Variants in CREB3L2 observed in about 807,000 individuals in gnomAD.
The protein encoded by CREB3L2 is cAMP responsive element binding protein 3 like 2.
In CREB3L2, 23 loss-of-function variants were observed where a neutral mutation model predicts 57.2. The ratio of observed to expected loss-of-function variants is 0.40; its 90% CI spans 0.29 to 0.57. CREB3L2 has a LOEUF of 0.57. Among genes scored for constraint, CREB3L2 ranks in the 20% least tolerant of loss-of-function variants. CREB3L2 has a pLI of 0.42. For missense variants in CREB3L2, 628 were observed against 634.7 expected, an observed-to-expected ratio of 0.99 and a Z score of 0.11; for synonymous variants, 268 against 265.1, an observed-to-expected ratio of 1.01 and a Z score of -0.11.
chr7:137,971,448 T>A lies in CREB3L2; in HGVS notation c.102+30156A>T, dbSNP rs1018996920. On this transcript the variant is annotated intron_variant, in intron 1 of 11. Transcript: ENST00000330387. ...CTGGGCATCAGAGCGAGACTCCGTC[T>A]CAAAAAAAAAAAAAAAATTTTGGAT... 2.5e-3 allele frequency among the ~76,000 whole-genome samples: 231 copies of A among 93,418 alleles called. 2 individuals are homozygous for A. The highest frequency in any genetic ancestry group is 4.1e-3 in the East Asian group (9 of 2,182). The allele number at this position is 93,418 out of a possible 152,430, so 61.3% of individuals were successfully genotyped here.
At position 137,922,415 on chromosome 7, in the gene CREB3L2, T is replaced by TACAC. The variant is rs1491237233; in HGVS notation, c.319+5734_319+5735insGTGT. ...ATATATATATATATATATATATATA[T>TACAC]GTATATATATATATATATATACGTA... On this transcript the variant is annotated intron_variant, in intron 2 of 11. Coordinates refer to ENST00000330387, the MANE Select transcript of CREB3L2 (RefSeq NM_194071.4). Among the ~76,000 whole-genome samples, 42 of 23,152 alleles carry TACAC rather than the reference T, an allele frequency of 1.8e-3. 1 individual carries two copies. Among genetic ancestry groups the TACAC allele is most frequent in the African/African-American group, 5.1e-3 (38 of 7,380 alleles). 15.2% of individuals were successfully genotyped at this position (23,152 alleles called of 152,430 possible). A position where few individuals can be genotyped will look rare whatever the true frequency, so the allele number is the denominator to read the frequency against.
intron 1 of CREB3L2, among the ~76,000 whole-genome samples, chr7:137,963,342 T>C (rs968839475): frequency 2.0e-5 from 3 of 152,190 alleles, no homozygotes; most frequent in Admixed American, 6.5e-5. Flanking sequence ...GCTCCACCAG[T>C]TTTCCAGGTA....
At chr7:137,927,278 G>GAAAGGAGGA (rs35701640) in intron 2 of CREB3L2, among the ~76,000 whole-genome samples, 1,560 of 136,580 alleles carry the variant, frequency 0.011, 35 homozygotes, top group African/African-American at 0.047. Context: ...GAAAGGAAAG[G>GAAAGGAGGA]AGGAAGGAAG....
chr7:137,952,711 G>GT (rs1401626631), intron 1 of CREB3L2, among the ~76,000 whole-genome samples: 9 of 152,118 alleles, frequency 5.9e-5, no homozygotes, highest in Non-Finnish European at 1.3e-4. Flanking sequence ...TAACTCTTAA[G>GT]TTTTTCCTGA....
chr7:137,947,238 C>T (rs273999), intron 1 of CREB3L2, among the ~76,000 whole-genome samples: 101,391 of 150,826 alleles, frequency 0.67, 34,477 homozygotes, highest in East Asian at 0.83. Flanking sequence ...TCCAGAATCA[C>T]GAGACATACA....
At chr7:137,909,228 G>A (rs1351856450) in intron 4 of CREB3L2, among the ~76,000 whole-genome samples, 1 of 152,216 alleles carries the variant, frequency 6.6e-6, no homozygotes, top group Non-Finnish European at 1.5e-5. Context: ...AGATACGGGA[G>A]TGAGCACAGG....
chr7:137,875,669 AG>A lies in CREB3L2; in HGVS notation c.*4806del. ...ACTTGAAAGCTTACAGTGTGCTCAC[AG>A]GAAGGAATCGGCTCAGCTAGTCCAG... is the stretch of plus-strand genomic sequence containing the variant. On this transcript the variant is annotated 3_prime_UTR_variant, in exon 12 of 12. Transcript: ENST00000330387. 4.5e-6 allele frequency: 1 copy of A among 224,204 alleles called. No homozygotes were observed. The highest frequency in any genetic ancestry group is 8.9e-6 in the Non-Finnish European group (1 of 112,512). The allele number at this position is 224,204 out of a possible 1,614,324, so 13.9% of individuals were successfully genotyped here. A position where few individuals can be genotyped will look rare whatever the true frequency, so the allele number is the denominator to read the frequency against.
At chr7:137,978,254 C>G (rs1248089998) in intron 1 of CREB3L2, among the ~76,000 whole-genome samples, 1 of 152,182 alleles carries the variant, frequency 6.6e-6, no homozygotes. Flanking sequence ...CTCTATATAT[C>G]TCTCTAGAGA....
At chr7:137,907,780 GAC>G (rs1200912805) in intron 5 of CREB3L2, among the ~76,000 whole-genome samples, 1 of 152,190 alleles carries the variant, frequency 6.6e-6, no homozygotes, top group Non-Finnish European at 1.5e-5. Flanking sequence ...AGAGTCATAT[GAC>G]ACACAGAAAA....
At chr7:137,888,159 C>T (rs1018288326) in intron 8 of CREB3L2, among the ~76,000 whole-genome samples, 1 of 152,156 alleles carries the variant, frequency 6.6e-6, no homozygotes, top group Non-Finnish European at 1.5e-5. Flanking sequence ...GACAGCATCT[C>T]TCACTTTGTT....
At chr7:137,927,513 T>C (rs145112187) in intron 2 of CREB3L2, among the ~76,000 whole-genome samples, 150 of 152,108 alleles carry the variant, frequency 9.9e-4, no homozygotes, top group African/African-American at 3.5e-3. Context: ...AAGATATATA[T>C]GCCTTGGAGA....
chr7:137,988,856 G>A (rs896410835), intron 1 of CREB3L2, among the ~76,000 whole-genome samples: 1 of 151,872 alleles, frequency 6.6e-6, no homozygotes. Context: ...CACTTTGAGA[G>A]GTGGAGGGGG....
At chr7:137,971,563 G>A (rs1801507790) in intron 1 of CREB3L2, among the ~76,000 whole-genome samples, 1 of 151,912 alleles carries the variant, frequency 6.6e-6, no homozygotes. Context: ...ATGTGTGAGT[G>A]CACACAAAAC....
At chr7:137,972,713 AT>A (rs1307481150) in intron 1 of CREB3L2, among the ~76,000 whole-genome samples, 49 of 32,902 alleles carry the variant, frequency 1.5e-3, no homozygotes, top group African/African-American at 3.2e-3. Context: ...AAAAAAAAAA[AT>A]ATATATATAT....
intron 1 of CREB3L2, among the ~76,000 whole-genome samples, chr7:137,979,974 G>A (rs919464634): frequency 3.3e-5 from 5 of 152,208 alleles, no homozygotes; most frequent in Admixed American, 2.0e-4. Context: ...TGGTGCATGC[G>A]GATGATGGGT....
chr7:137,973,734 A>G (rs1162987560), intron 1 of CREB3L2, among the ~76,000 whole-genome samples: 1 of 152,242 alleles, frequency 6.6e-6, no homozygotes, highest in Non-Finnish European at 1.5e-5. Context: ...TCCTTCTCTT[A>G]CACACCTCCT....
At chr7:137,995,531 C>T (rs1285016624) in intron 1 of CREB3L2, among the ~76,000 whole-genome samples, 4 of 151,940 alleles carry the variant, frequency 2.6e-5, no homozygotes, top group African/African-American at 7.3e-5. Flanking sequence ...GACAGGGTTT[C>T]ACCATCTCGG....
In CREB3L2 at chr7:137,879,469, G is replaced by A; in HGVS notation, c.*1007C>T. The A allele has an allele frequency of 2.7e-6, 1 of 375,056 alleles. No individual in the cohort carries two copies. The highest frequency in any genetic ancestry group is 5.0e-6 in the Non-Finnish European group (1 of 199,116). The allele number at this position is 375,056 out of a possible 1,614,324, so 23.2% of individuals were successfully genotyped here. A position where few individuals can be genotyped will look rare whatever the true frequency, so the allele number is the denominator to read the frequency against. On this transcript the variant is annotated 3_prime_UTR_variant, in exon 12 of 12. Coordinates refer to ENST00000330387, the MANE Select transcript of CREB3L2 (RefSeq NM_194071.4). ...AAAAGCTTGTGGCCAGGGAGCCCGGGGCCTGAGTGAGGCATTGTGTCATCT... is the reference window on the plus strand; with the variant it reads ...AAAAGCTTGTGGCCAGGGAGCCCGGAGCCTGAGTGAGGCATTGTGTCATCT...
intron 2 of CREB3L2, among the ~76,000 whole-genome samples, chr7:137,922,141 C>T (rs1800294699): frequency 6.6e-6 from 1 of 151,528 alleles, no homozygotes; most frequent in Non-Finnish European, 1.5e-5. Context: ...GACTATTCCC[C>T]TACCTGCTCC....
Sources: gnomAD v4.1 joint callset for allele counts (sites outside exome capture counted in the v4.1 genomes callset) on GRCh38, gnomAD v4.1.1 for gene constraint, MANE v1.5 for transcripts, NCBI Gene and HGNC (gene_info 2026-07-23, HGNC 2026-07-21) for gene names.